GOLPH3: variants seen among roughly 807,000 people sequenced by gnomAD.
GOLPH3 encodes golgi phosphoprotein 3, also known as coat protein GPP34.
Under a neutral mutation model 28.5 loss-of-function variants are expected in GOLPH3, and 14 were observed. The ratio of observed to expected loss-of-function variants is 0.49; its 90% CI spans 0.32 to 0.77. The LOEUF is 0.77. Ranked by LOEUF, GOLPH3 falls within the 30% of genes least tolerant of loss-of-function variation. The probability of loss-of-function intolerance (pLI) is 0.03; values close to 1 mark genes in which losing one functional copy is unlikely to be tolerated. For missense variants in GOLPH3, 350 were observed against 393.7 expected (o/e 0.89, Z 0.94); for synonymous variants, 158 against 159.2 (o/e 0.99, Z 0.06).
At chr5:32,145,527 T>C (rs1233294949) in intron 1 of GOLPH3, among the ~76,000 whole-genome samples, 1 of 152,192 alleles carries the variant, frequency 6.6e-6, no homozygotes, top group Non-Finnish European at 1.5e-5. Flanking sequence ...GGCCTGGACA[T>C]ATAGACAGAG....
intron 1 of GOLPH3, among the ~76,000 whole-genome samples, chr5:32,151,554 G>A (rs1345564431): frequency 2.0e-5 from 3 of 152,090 alleles, no homozygotes; most frequent in Admixed American, 6.5e-5. Context: ...AAAGGTAACA[G>A]ATGATGAAGT....
At chr5:32,146,979 TAGGCCACCTGCGGCCCAC>T (rs986204483) in intron 1 of GOLPH3, among the ~76,000 whole-genome samples, 53 of 152,256 alleles carry the variant, frequency 3.5e-4, no homozygotes, top group African/African-American at 1.3e-3. Flanking sequence ...TTCAAAGCCG[TAGGCCACCTGCGGCCCAC>T]AGGCCACGGG....
chr5:32,146,796 T>C (rs541648475), intron 1 of GOLPH3, among the ~76,000 whole-genome samples: 12 of 152,320 alleles, frequency 7.9e-5, no homozygotes, highest in South Asian at 2.1e-4. Context: ...TAAAAAATTA[T>C]ATTATCTAAA....
At chr5:32,152,923 C>T (rs1445150027) in intron 1 of GOLPH3, among the ~76,000 whole-genome samples, 1 of 152,116 alleles carries the variant, frequency 6.6e-6, no homozygotes, top group Non-Finnish European at 1.5e-5. Flanking sequence ...ATTTGGGGAT[C>T]TAGAAAAATC....
intron 1 of GOLPH3, among the ~76,000 whole-genome samples, chr5:32,148,221 C>T (rs939591906): frequency 2.0e-5 from 3 of 152,092 alleles, no homozygotes; most frequent in South Asian, 2.1e-4. Context: ...CAGAAACGTC[C>T]GTTTCTATAT....
At chr5:32,149,280 G>C (rs552390864) in intron 1 of GOLPH3, among the ~76,000 whole-genome samples, 1 of 152,324 alleles carries the variant, frequency 6.6e-6, no homozygotes, top group Non-Finnish European at 1.5e-5. Context: ...ACACGGAATA[G>C]CATGTTTGTT....
At chr5:32,150,886 G>A (rs1014259455) in intron 1 of GOLPH3, among the ~76,000 whole-genome samples, 2 of 152,152 alleles carry the variant, frequency 1.3e-5, no homozygotes, top group South Asian at 4.1e-4. Context: ...ATGGAAAGAT[G>A]AACATTTTAA....
intron 1 of GOLPH3, among the ~76,000 whole-genome samples, chr5:32,153,651 C>T (rs975824888): frequency 6.6e-6 from 1 of 151,996 alleles, no homozygotes; most frequent in African/African-American, 2.4e-5. Context: ...TTTGAAGAAC[C>T]AAAATTTTCA....
At chr5:32,165,356 G>A (rs1159469039) in intron 1 of GOLPH3, among the ~76,000 whole-genome samples, 1 of 152,158 alleles carries the variant, frequency 6.6e-6, no homozygotes, top group Non-Finnish European at 1.5e-5. Context: ...GCCAACGTGG[G>A]TGGATCACAT....
At position 32,174,048 on chromosome 5, in the gene GOLPH3, G is replaced by GCGCCGAGC; in HGVS notation, c.-22_-15dup. 7.9e-7 allele frequency: 1 copy of GCGCCGAGC among 1,272,684 alleles called. No homozygotes were observed. The highest frequency in any genetic ancestry group is 9.9e-7 in the Non-Finnish European group (1 of 1,014,866). The allele number at this position is 1,272,684 out of a possible 1,614,324, so 78.8% of individuals were successfully genotyped here. ...CAGCGAGGTCATGGCTCCCGCCGAG[G>GCGCCGAGC]CGCCGAGCCGGGCCGAGAGGGTCGC... On this transcript the variant is annotated 5_prime_UTR_variant, in exon 1 of 4. Transcript: ENST00000265070.
chr5:32,151,118 C>T (rs1177679400), intron 1 of GOLPH3, among the ~76,000 whole-genome samples: 1 of 152,010 alleles, frequency 6.6e-6, no homozygotes, highest in Non-Finnish European at 1.5e-5. Context: ...AAAGAGACTA[C>T]CCATTTTTTT....
intron 1 of GOLPH3, among the ~76,000 whole-genome samples, chr5:32,156,031 A>G (rs887254173): frequency 6.7e-6 from 1 of 149,830 alleles, no homozygotes; most frequent in African/African-American, 2.4e-5. Context: ...GAAGGTCATT[A>G]AGTCATGAAG....
chr5:32,128,917 G>A (rs531807760), intron 3 of GOLPH3, among the ~76,000 whole-genome samples: 16 of 152,022 alleles, frequency 1.1e-4, no homozygotes, highest in African/African-American at 3.1e-4. Context: ...GTGAAATCCC[G>A]TCTCTACAAA....
In GOLPH3 at chr5:32,135,552, G is replaced by C; in HGVS notation, c.472+20C>G. The C allele has an allele frequency of 6.8e-7, 1 of 1,474,668 alleles. No homozygotes were observed. Among genetic ancestry groups the C allele is most frequent in the African/African-American group, 1.4e-5 (1 of 71,848 alleles). 91.3% of individuals were successfully genotyped at this position (1,474,668 alleles called of 1,614,324 possible). On this transcript the variant is annotated intron_variant, in intron 3 of 3. Coordinates refer to ENST00000265070, the MANE Select transcript of GOLPH3 (RefSeq NM_022130.4). ...TCTTTTAAACAGAAGTTGGTTTTTG[G>C]TTTATTCACAGCAGCTTACCACTAA...
At chr5:32,135,017 G>A (rs1250580745) in intron 3 of GOLPH3, among the ~76,000 whole-genome samples, 1 of 152,210 alleles carries the variant, frequency 6.6e-6, no homozygotes, top group Non-Finnish European at 1.5e-5. Context: ...GCACTTCCCT[G>A]TCTCCTTGAA....
At chr5:32,160,713 A>G (rs772464501) in intron 1 of GOLPH3, among the ~76,000 whole-genome samples, 36 of 152,370 alleles carry the variant, frequency 2.4e-4, no homozygotes, top group African/African-American at 7.9e-4. Context: ...ATTGGCTGCT[A>G]GGTAGAAAAA....
chr5:32,163,119 A>G (rs1277829258), intron 1 of GOLPH3, among the ~76,000 whole-genome samples: 1 of 152,164 alleles, frequency 6.6e-6, no homozygotes, highest in Non-Finnish European at 1.5e-5. Flanking sequence ...TGCCCAGGAG[A>G]AAACTAAGGT....
intron 2 of GOLPH3, among the ~76,000 whole-genome samples, chr5:32,138,778 G>GT (rs1419783422): frequency 2.0e-5 from 3 of 152,208 alleles, no homozygotes; most frequent in Non-Finnish European, 4.4e-5. Context: ...GCTCATAGAT[G>GT]TATGTAGCTA....
At chr5:32,148,582 T>C (rs527525539) in intron 1 of GOLPH3, among the ~76,000 whole-genome samples, 1 of 152,042 alleles carries the variant, frequency 6.6e-6, no homozygotes, top group Admixed American at 6.6e-5. Context: ...CAGATCACGA[T>C]GTCAGGAGAT....
Sources: allele counts gnomAD v4.1 joint callset (sites outside exome capture counted in the v4.1 genomes callset), GRCh38; gene constraint gnomAD v4.1.1; transcripts MANE v1.5; gene names NCBI Gene and HGNC (gene_info 2026-07-23, HGNC 2026-07-21).